Variants in KLF12 observed in about 807,000 individuals in gnomAD.
KLF12 encodes Krueppel-like factor 12.
KLF12 carries 9 observed loss-of-function variants against 37.8 expected under a neutral mutation model. That is an observed-to-expected ratio of 0.24 (90% CI 0.14 to 0.42). The LOEUF is 0.42. KLF12 is among the 10% of genes least tolerant of loss of function. KLF12 has a pLI of 1.00. For synonymous variants in KLF12, 208 were observed against 202.1 expected, an observed-to-expected ratio of 1.03 and a Z score of -0.25; for missense variants, 411 against 516.0, an observed-to-expected ratio of 0.80 and a Z score of 1.97.
At chr13:73,732,791 C>A (rs1252403478) in intron 6 of KLF12, among the ~76,000 whole-genome samples, 1 of 152,020 alleles carries the variant, frequency 6.6e-6, no homozygotes, top group Non-Finnish European at 1.5e-5. Flanking sequence ...ACTCGTATAT[C>A]TTTTAGGCCT....
intron 2 of KLF12, among the ~76,000 whole-genome samples, chr13:73,986,271 T>C (rs1056406035): frequency 6.6e-6 from 1 of 152,204 alleles, no homozygotes; most frequent in African/African-American, 2.4e-5. Flanking sequence ...TAGATATTTA[T>C]TAGATTTTTT....
intron 3 of KLF12, among the ~76,000 whole-genome samples, chr13:73,851,430 C>A (rs73537922): frequency 0.021 from 3,220 of 152,104 alleles, 109 homozygotes; most frequent in African/African-American, 0.073. Flanking sequence ...TCATTTGATA[C>A]TTTTTTTTCC....
intron 1 of KLF12, among the ~76,000 whole-genome samples, chr13:74,104,985 CTCTT>C (rs1172945211): frequency 6.6e-6 from 1 of 152,168 alleles, no homozygotes; most frequent in Non-Finnish European, 1.5e-5. Context: ...TTGTTGGCAT[CTCTT>C]TTTTTAAGAT....
chr13:74,116,472 T>C (rs538873686), intron 1 of KLF12, among the ~76,000 whole-genome samples: 5 of 152,304 alleles, frequency 3.3e-5, no homozygotes, highest in African/African-American at 1.2e-4. Context: ...TTACAGGAAA[T>C]TTAAGTGTTT....
chr13:73,982,406 T>C (rs1891709799), intron 2 of KLF12, among the ~76,000 whole-genome samples: 2 of 152,112 alleles, frequency 1.3e-5, no homozygotes, highest in South Asian at 4.1e-4. Flanking sequence ...CAAAGACAAT[T>C]GTCAGAAAGG....
At chr13:73,755,596 A>C (rs1346141998) in intron 6 of KLF12, among the ~76,000 whole-genome samples, 1 of 151,072 alleles carries the variant, frequency 6.6e-6, no homozygotes, top group Non-Finnish European at 1.5e-5. Flanking sequence ...GCTAATACTT[A>C]GGGTTGACAA....
intron 3 of KLF12, among the ~76,000 whole-genome samples, chr13:73,911,038 T>G (rs1421434078): frequency 6.6e-6 from 1 of 152,060 alleles, no homozygotes; most frequent in African/African-American, 2.4e-5. Flanking sequence ...CCTCCAAAAC[T>G]GTAATAAATA....
At chr13:73,949,649 A>G (rs1365005854) in intron 2 of KLF12, among the ~76,000 whole-genome samples, 2 of 152,230 alleles carry the variant, frequency 1.3e-5, no homozygotes, top group East Asian at 1.9e-4. Context: ...TTTTATACTC[A>G]GGACAGATGC....
At chr13:74,118,711 C>T (rs1490807725) in intron 1 of KLF12, among the ~76,000 whole-genome samples, 1 of 152,062 alleles carries the variant, frequency 6.6e-6, no homozygotes, top group Non-Finnish European at 1.5e-5. Flanking sequence ...TATATTATCA[C>T]CCCCGCCAAA....
At chr13:74,265,693 A>C in the KLF12 span, among the ~76,000 whole-genome samples, 1 of 152,204 alleles carries the variant, frequency 6.6e-6, no homozygotes, top group Non-Finnish European at 1.5e-5. Flanking sequence ...ACCTACAGAC[A>C]CATCCTCTTC....
chr13:73,763,326 T>C (rs989937187), intron 6 of KLF12, among the ~76,000 whole-genome samples: 1 of 152,192 alleles, frequency 6.6e-6, no homozygotes, highest in Non-Finnish European at 1.5e-5. Flanking sequence ...CACATACACA[T>C]CTGCCCTGCA....
intron 4 of KLF12, among the ~76,000 whole-genome samples, chr13:73,823,404 G>T (rs1457018300): frequency 6.6e-6 from 1 of 152,152 alleles, no homozygotes; most frequent in African/African-American, 2.4e-5. Context: ...AAGTTGAAAA[G>T]TTAAAAAAGC....
At chr13:73,870,111 G>T (rs1295130021) in intron 3 of KLF12, among the ~76,000 whole-genome samples, 1 of 152,108 alleles carries the variant, frequency 6.6e-6, no homozygotes, top group Non-Finnish European at 1.5e-5. Flanking sequence ...ATCTAACATT[G>T]CTTTTCTTAC....
At chr13:74,211,377 T>C in the KLF12 span, among the ~76,000 whole-genome samples, 1 of 152,066 alleles carries the variant, frequency 6.6e-6, no homozygotes, top group South Asian at 2.1e-4. Context: ...AGGGAAAGCA[T>C]TTTAGACCTC....
the KLF12 span, among the ~76,000 whole-genome samples, chr13:74,142,892 A>C: frequency 1.3e-5 from 2 of 152,190 alleles, no homozygotes; most frequent in Non-Finnish European, 2.9e-5. Flanking sequence ...TAACTGATGC[A>C]GCTTCCAAGT....
At chr13:73,819,415 T>TA (rs1348838138) in intron 4 of KLF12, among the ~76,000 whole-genome samples, 1 of 152,178 alleles carries the variant, frequency 6.6e-6, no homozygotes, top group East Asian at 1.9e-4. Context: ...CTATTCAAAT[T>TA]AGGCAGTTTT....
the KLF12 span, among the ~76,000 whole-genome samples, chr13:74,252,740 G>A: frequency 6.6e-6 from 1 of 152,030 alleles, no homozygotes; most frequent in Non-Finnish European, 1.5e-5. Context: ...ACAACTACCA[G>A]CTTTGTTCTC....
intron 1 of KLF12, among the ~76,000 whole-genome samples, chr13:74,030,384 C>T (rs796110486): frequency 7.2e-5 from 11 of 152,242 alleles, no homozygotes; most frequent in African/African-American, 2.6e-4. Flanking sequence ...CCTCTCTTTT[C>T]CTATTCCTGA....
the KLF12 span, among the ~76,000 whole-genome samples, chr13:74,281,734 A>G: frequency 8.0e-4 from 122 of 152,268 alleles, no homozygotes; most frequent in African/African-American, 2.8e-3. Context: ...GACATTCTCC[A>G]TTTTGGAAGA....
Sources: allele counts gnomAD v4.1 joint callset (sites outside exome capture counted in the v4.1 genomes callset), GRCh38; gene constraint gnomAD v4.1.1; transcripts MANE v1.5; gene names NCBI Gene and HGNC (gene_info 2026-07-23, HGNC 2026-07-21).